SPOCK1: variants seen among roughly 807,000 people sequenced by gnomAD.
The protein encoded by SPOCK1 is testican-1.
A neutral mutation model predicts 55.3 loss-of-function variants in SPOCK1; 23 were observed. The ratio of observed to expected loss-of-function variants is 0.42; its 90% CI spans 0.30 to 0.59. The LOEUF (loss-of-function observed/expected upper bound fraction) is 0.59, where lower values mean the gene tolerates loss of function less well. SPOCK1 is among the 20% of genes least tolerant of loss of function. SPOCK1 has a pLI of 0.22. For synonymous variants in SPOCK1, 226 were observed against 221.0 expected, an observed-to-expected ratio of 1.02 and a Z score of -0.20; for missense variants, 499 against 552.5, an observed-to-expected ratio of 0.90 and a Z score of 0.97.
At chr5:137,043,493 TGAG>T (rs1752039850) in intron 6 of SPOCK1, among the ~76,000 whole-genome samples, 2 of 152,076 alleles carry the variant, frequency 1.3e-5, no homozygotes, top group South Asian at 4.2e-4. Flanking sequence ...TGGGGTAAAA[TGAG>T]TACCTTTGCA....
chr5:137,251,804 T>C (rs953106343), intron 3 of SPOCK1, among the ~76,000 whole-genome samples: 2 of 152,238 alleles, frequency 1.3e-5, no homozygotes, highest in African/African-American at 4.8e-5. Context: ...TCTCAGCCCA[T>C]TCCTCAGAGA....
chr5:137,233,938 A>G (rs1256131189), intron 3 of SPOCK1, among the ~76,000 whole-genome samples: 1 of 152,076 alleles, frequency 6.6e-6, no homozygotes, highest in Admixed American at 6.5e-5. Context: ...ACTAGGATGA[A>G]TAAGAGTGGT....
chr5:137,029,940 A>T (rs1751745261), intron 6 of SPOCK1, among the ~76,000 whole-genome samples: 1 of 152,236 alleles, frequency 6.6e-6, no homozygotes, highest in Non-Finnish European at 1.5e-5. Flanking sequence ...CCAAGGAAGC[A>T]TGCAAGGAGA....
At chr5:137,076,138 G>C (rs1010059362) in intron 5 of SPOCK1, among the ~76,000 whole-genome samples, 1 of 152,080 alleles carries the variant, frequency 6.6e-6, no homozygotes, top group Non-Finnish European at 1.5e-5. Context: ...GCCCAGACCC[G>C]AAGGGCTCTC....
chr5:137,259,824 A>G (rs1314867250), intron 3 of SPOCK1, among the ~76,000 whole-genome samples: 1 of 152,118 alleles, frequency 6.6e-6, no homozygotes, highest in Non-Finnish European at 1.5e-5. Context: ...ACAGTGTCCC[A>G]TAGGATTCTG....
intron 6 of SPOCK1, among the ~76,000 whole-genome samples, chr5:137,063,826 T>C (rs1176530194): frequency 6.6e-6 from 1 of 152,220 alleles, no homozygotes; most frequent in East Asian, 1.9e-4. Flanking sequence ...TACTCTGCAT[T>C]GAATAGAAAC....
intron 2 of SPOCK1, among the ~76,000 whole-genome samples, chr5:137,322,277 C>G (rs535034833): frequency 1.3e-5 from 2 of 151,236 alleles, no homozygotes; most frequent in Non-Finnish European, 2.9e-5. Context: ...AGGCTGCAGT[C>G]AGCCATGATT....
intron 6 of SPOCK1, among the ~76,000 whole-genome samples, chr5:137,060,790 A>G (rs902215715): frequency 1.3e-5 from 2 of 152,150 alleles, no homozygotes; most frequent in Non-Finnish European, 2.9e-5. Flanking sequence ...GTTCACCTTT[A>G]GCTTTCCCCA....
At chr5:137,223,561 G>A (rs9327778) in intron 3 of SPOCK1, among the ~76,000 whole-genome samples, 3,002 of 152,228 alleles carry the variant, frequency 0.02, 97 homozygotes, top group African/African-American at 0.069. Context: ...TTTGGGGCCT[G>A]CTTAATGACT....
At chr5:137,338,458 G>A (rs1169969456) in intron 2 of SPOCK1, among the ~76,000 whole-genome samples, 1 of 151,956 alleles carries the variant, frequency 6.6e-6, no homozygotes, top group Non-Finnish European at 1.5e-5. Flanking sequence ...TTGCTATTGT[G>A]AATAGTGCCG....
At chr5:137,458,544 C>G (rs1350691642) in intron 2 of SPOCK1, among the ~76,000 whole-genome samples, 1 of 152,154 alleles carries the variant, frequency 6.6e-6, no homozygotes, top group East Asian at 1.9e-4. Context: ...TTCACTCAAG[C>G]TTTTATGGTA....
At chr5:137,351,225 G>A (rs955511550) in intron 2 of SPOCK1, among the ~76,000 whole-genome samples, 2 of 152,198 alleles carry the variant, frequency 1.3e-5, no homozygotes, top group South Asian at 2.1e-4. Context: ...TCCCACCAGA[G>A]CAGATGGTCC....
chr5:136,988,592 A>G lies in SPOCK1; in HGVS notation c.758T>C (p.Phe253Ser). Residue 253 changes from phenylalanine to serine, a missense_variant, in exon 8 of 11, where the codon TTC (phenylalanine) becomes TCC (serine). This residue lies in a region of SPOCK1 where 386 missense variants were observed against 400.6 expected (regional missense o/e 0.96). Coordinates refer to ENST00000394945, the MANE Select transcript of SPOCK1 (RefSeq NM_004598.4). ...PICKDSLGWM[F>S]NKLDMNYDLL... is the part of the protein sequence containing the mutation. ...GTCATAGTTCATGTCCAACTTGTTG[A>G]ACATCCAGCCCAGGGAGTCCTTGCA... The G allele has an allele frequency of 6.2e-7, 1 of 1,614,080 alleles. No individual in the cohort carries two copies.
At chr5:137,416,939 T>G (rs1236275229) in intron 2 of SPOCK1, among the ~76,000 whole-genome samples, 6 of 152,314 alleles carry the variant, frequency 3.9e-5, no homozygotes, top group South Asian at 4.1e-4. Flanking sequence ...AATATTTGAT[T>G]ATTTTGAATA....
At chr5:137,301,682 C>T (rs1159727921) in intron 2 of SPOCK1, among the ~76,000 whole-genome samples, 3 of 130,436 alleles carry the variant, frequency 2.3e-5, no homozygotes, top group Non-Finnish European at 4.7e-5. Context: ...TGGGCAAGGA[C>T]TACTCAGGGC....
chr5:137,499,128 G>T, intron 1 of SPOCK1, 51 bp downstream of exon 1: 1 of 152,306 alleles, frequency 6.6e-6, no homozygotes, highest in African/African-American at 2.4e-5. Flanking sequence ...GCGGCCGCGG[G>T]GAGGTCCCAA....
chr5:137,364,679 C>T (rs1173901668), intron 2 of SPOCK1, among the ~76,000 whole-genome samples: 2 of 152,170 alleles, frequency 1.3e-5, no homozygotes, highest in East Asian at 1.9e-4. Context: ...GAACCTGCCC[C>T]CCCGAGCCTA....
At chr5:137,039,610 C>A (rs969915945) in intron 6 of SPOCK1, among the ~76,000 whole-genome samples, 6 of 152,186 alleles carry the variant, frequency 3.9e-5, no homozygotes, top group Admixed American at 3.3e-4. Context: ...AGGTCCCACG[C>A]CCCCATGGGC....
chr5:137,305,863 C>T (rs1321169663), intron 2 of SPOCK1, among the ~76,000 whole-genome samples: 5 of 152,224 alleles, frequency 3.3e-5, no homozygotes. Context: ...CAGGCCCTAG[C>T]AATGCATTCA....
Sources: allele counts gnomAD v4.1 joint callset (sites outside exome capture counted in the v4.1 genomes callset), GRCh38; gene constraint gnomAD v4.1.1; regional missense constraint gnomAD v4.1.1; transcripts MANE v1.5; gene names NCBI Gene and HGNC (gene_info 2026-07-23, HGNC 2026-07-21).